The following FHDC1 variants were observed in gnomAD, a reference collection of about 807,000 sequenced individuals.
FHDC1 encodes FH2 domain-containing protein 1.
Under a neutral mutation model 52.6 loss-of-function variants are expected in FHDC1, and 25 were observed. The ratio of observed to expected loss-of-function variants is 0.48; its 90% confidence interval spans 0.35 to 0.66. FHDC1 has a LOEUF of 0.66. Among genes scored for constraint, FHDC1 ranks in the 30% least tolerant of loss-of-function variants. The pLI is 0.01. For missense variants in FHDC1, 1,459 were observed against 1,452.8 expected (o/e 1.00, Z -0.07); for synonymous variants, 616 against 581.5 (o/e 1.06, Z -0.85).
chr4:152,973,171 T>C (rs1404215167), intron 11 of FHDC1, among the ~76,000 whole-genome samples: 1 of 152,230 alleles, frequency 6.6e-6, no homozygotes, highest in African/African-American at 2.4e-5. Flanking sequence ...CTCTCTGGGT[T>C]GCTTGGCTTT....
At chr4:152,942,679 G>A (rs898036669) in intron 1 of FHDC1, among the ~76,000 whole-genome samples, 21 of 152,200 alleles carry the variant, frequency 1.4e-4, no homozygotes, top group African/African-American at 5.1e-4. Flanking sequence ...CAATATAAAT[G>A]TGCTTTGTTG....
chr4:152,976,644 C>G lies in FHDC1; in HGVS notation c.3353C>G (p.Ala1118Gly), dbSNP rs1042657872. The G allele has an allele frequency of 1.1e-4, 180 of 1,597,656 alleles. No individual in the cohort carries two copies. The highest frequency in any genetic ancestry group is 1.3e-4 in the Non-Finnish European group (158 of 1,172,040). The change falls in exon 12 of 12, where the codon GCT becomes GGT. Residue 1118 changes from alanine (A) to glycine (G), a missense_variant. This residue lies in a region of FHDC1 where 939 missense variants were observed against 854.5 expected (regional missense o/e 1.10). Coordinates refer to ENST00000511601, the MANE Select transcript of FHDC1 (RefSeq NM_001371116.1). Reference sequence around the variant, plus strand: ...GAGGCCCCTCTGAAGGCCAGAGGGGCTGGGGAAAGGGCCTCCCTCCGTCGG... The same window carrying G: ...GAGGCCCCTCTGAAGGCCAGAGGGGGTGGGGAAAGGGCCTCCCTCCGTCGG... The part of the protein sequence containing the change: ...NTEAPLKARG[A>G]GERASLRRKD...
chr4:152,955,214 ATTG>A (rs964577197), intron 4 of FHDC1, among the ~76,000 whole-genome samples: 1 of 152,152 alleles, frequency 6.6e-6, no homozygotes, highest in Admixed American at 6.5e-5. Flanking sequence ...AAAGGTGGAA[ATTG>A]TTGTGATAGT....
At chr4:152,967,902 A>C in intron 9 of FHDC1, 78 bp from the exon 10 acceptor site, 1 of 1,018,360 alleles carries the variant, frequency 9.8e-7, no homozygotes, top group Non-Finnish European at 1.5e-6. Flanking sequence ...GTTGAACAAC[A>C]GTTAGTCTTA....
At chr4:152,914,881 T>A in the FHDC1 span, among the ~76,000 whole-genome samples, 1 of 151,856 alleles carries the variant, frequency 6.6e-6, no homozygotes, top group Non-Finnish European at 1.5e-5. Flanking sequence ...AAAAGCAAAC[T>A]CTGTAAAAAC....
chr4:152,949,169 G>GC (rs1399510170), intron 2 of FHDC1, among the ~76,000 whole-genome samples: 30 of 146,522 alleles, frequency 2.0e-4, no homozygotes, highest in Middle Eastern at 3.6e-3. Flanking sequence ...AGAAGAAGAA[G>GC]AAGCAGAAGA....
rs1185086140 is a variant in FHDC1, at chr4:152,968,096, A to G, written c.1217A>G (p.Gln406Arg). ...ELCQQMEDFL[Q>R]FAIEKLRELE... The stretch of plus-strand genomic sequence containing the variant: ...TGTCAGCAGATGGAAGATTTTCTTC[A>G]GGTTTGTAGGTGACTCAAGTCAGTC... Residue 406 changes from glutamine (Q) to arginine (R), a missense_variant and splice_region_variant, in exon 10 of 12, where the codon CAG becomes CGG. Around this residue, in one of 3 missense-constraint regions of FHDC1, gnomAD observed 513 missense variants for 581.5 expected, o/e 0.88. Transcript: ENST00000511601. 1 of 1,610,730 alleles carries G rather than the reference A, an allele frequency of 6.2e-7. No individual in the cohort carries two copies. The highest frequency in any genetic ancestry group is 8.5e-7 in the Non-Finnish European group (1 of 1,177,702).
chr4:152,918,252 G>C, the FHDC1 span, among the ~76,000 whole-genome samples: 1 of 152,190 alleles, frequency 6.6e-6, no homozygotes, highest in African/African-American at 2.4e-5. Context: ...CCTCAACACT[G>C]ACCTTGATTT....
In FHDC1 at chr4:152,972,547, T is replaced by C. The variant is rs1402809994; in HGVS notation, c.1383+6T>C. ...AATTCAACAAAGCAGTTAAGGTACA[T>C]CTGGCAGCATCTGTGTCTTGGGGTT... On this transcript the variant is annotated splice_donor_region_variant and intron_variant, in intron 11 of 11. Transcript: ENST00000511601. 1 of 1,601,312 alleles carries C rather than the reference T, an allele frequency of 6.2e-7. No individual in the cohort carries two copies.
At chr4:152,974,633 C>G in intron 11 of FHDC1, 42 bp from the exon 12 acceptor site, 1 of 1,498,148 alleles carries the variant, frequency 6.7e-7, no homozygotes, top group Non-Finnish European at 8.9e-7. Flanking sequence ...CACATTGGTC[C>G]CACATGTCTC....
chr4:152,976,271 A>C lies in FHDC1; in HGVS notation c.2980A>C (p.Arg994=). Residue 994 remains arginine (R), a synonymous_variant, in exon 12 of 12, where the codon AGA becomes CGA. Transcript: ENST00000511601. ...TGCCAAACCACTCAGGAACCTCCCCAGACAGAAGCCTGAGGAAAATAAGAC... is the reference window on the plus strand; with the variant it reads ...TGCCAAACCACTCAGGAACCTCCCCCGACAGAAGCCTGAGGAAAATAAGAC... ...PSAKPLRNLP[R]QKPEENKTCR... 6.2e-7 allele frequency: 1 copy of C among 1,613,446 alleles called. No individual in the cohort carries two copies. Among genetic ancestry groups the C allele is most frequent in the Non-Finnish European group, 8.5e-7 (1 of 1,179,986 alleles).
chr4:152,970,524 A>G (rs1048529280), intron 10 of FHDC1, among the ~76,000 whole-genome samples: 16 of 152,366 alleles, frequency 1.1e-4, no homozygotes, highest in African/African-American at 3.1e-4. Flanking sequence ...GAGATGAAAC[A>G]TACGAGGTGG....
chr4:152,924,867 G>A, the FHDC1 span, among the ~76,000 whole-genome samples: 1 of 119,894 alleles, frequency 8.3e-6, no homozygotes, highest in Non-Finnish European at 1.7e-5. Flanking sequence ...GTTGTGGGGT[G>A]GGGGGAGGGG....
upstream of FHDC1, among the ~76,000 whole-genome samples, chr4:152,931,360 T>C (rs1397720530): frequency 1.3e-5 from 2 of 151,706 alleles, no homozygotes; most frequent in East Asian, 3.9e-4. Flanking sequence ...AATTGTAAAC[T>C]AAAAAGAGCT....
rs920075759 is a variant in FHDC1 at position 152,974,823 on chromosome 4, G to A, written c.1532G>A (p.Gly511Asp). ...GATGTGGAGCTGCTGACCAAGAAGG[G>A]TGCAGAGGGCCTGCTCCCTTTCCTG... ...ENDVELLTKK[G>D]AEGLLPFLHP... Residue 511 changes from glycine to aspartate, a missense_variant, in exon 12 of 12, where the codon GGT becomes GAT. Around this residue, in one of 3 missense-constraint regions of FHDC1, gnomAD observed 939 missense variants for 854.5 expected, o/e 1.10. Coordinates refer to ENST00000511601, the MANE Select transcript of FHDC1 (RefSeq NM_001371116.1). The A allele has an allele frequency of 6.3e-7, 1 of 1,588,358 alleles. No individual in the cohort carries two copies. The highest frequency in any genetic ancestry group is 8.6e-7 in the Non-Finnish European group (1 of 1,163,680).
chr4:152,950,495 G>A (rs1024701085), intron 2 of FHDC1, among the ~76,000 whole-genome samples: 4 of 152,148 alleles, frequency 2.6e-5, no homozygotes, highest in Non-Finnish European at 5.9e-5. Context: ...CAGCCAGCTC[G>A]GGTTTTCCCT....
intron 6 of FHDC1, 83 bp downstream of exon 6, chr4:152,960,927 C>G (rs1740262010): frequency 3.1e-6 from 3 of 976,562 alleles, no homozygotes. Context: ...TGAAATTGGA[C>G]ATGGAAAGTC....
chr4:152,917,555 G>A, the FHDC1 span, among the ~76,000 whole-genome samples: 24 of 151,988 alleles, frequency 1.6e-4, no homozygotes, highest in African/African-American at 5.3e-4. Flanking sequence ...AAAATACTAT[G>A]GATTAAAATT....
rs1740673784 is a variant in FHDC1 at position 152,972,623 on chromosome 4, G to A, written c.1383+82G>A. 7 of 1,453,500 alleles carry A rather than the reference G, an allele frequency of 4.8e-6. No individual in the cohort carries two copies. The South Asian group carries it at 8.5e-5, about 18-fold the overall frequency. The allele number at this position is 1,453,500 out of a possible 1,614,324, so 90.0% of individuals were successfully genotyped here. On this transcript the variant is annotated intron_variant, in intron 11 of 11. Coordinates refer to ENST00000511601, the MANE Select transcript of FHDC1 (RefSeq NM_001371116.1). Reference sequence around the variant, plus strand: ...TCGACCTAGTCATCTGCTCACCACAGAAAGGCACTTTGCATCTCCACGGTT... The same window carrying A: ...TCGACCTAGTCATCTGCTCACCACAAAAAGGCACTTTGCATCTCCACGGTT...
Sources: gnomAD v4.1 joint callset for allele counts (sites outside exome capture counted in the v4.1 genomes callset) on GRCh38, gnomAD v4.1.1 for gene constraint, gnomAD v4.1.1 regional missense constraint, MANE v1.5 for transcripts, NCBI Gene and HGNC (gene_info 2026-07-23, HGNC 2026-07-21) for gene names.